TBX15: variants seen among roughly 807,000 people sequenced by gnomAD.
The protein encoded by TBX15 is T-box transcription factor 15, also known as T-box transcription factor TBX15.
A neutral mutation model predicts 53.9 loss-of-function variants in TBX15; 18 were observed. The observed-to-expected ratio is 0.33, with a 90% confidence interval of 0.23 to 0.49. TBX15 has a LOEUF of 0.49. TBX15 is among the 20% of genes least tolerant of loss of function. The pLI is 0.98. For synonymous variants in TBX15, 295 were observed against 278.0 expected (o/e 1.06, Z -0.61); for missense variants, 692 against 749.5 (o/e 0.92, Z 0.90).
chr1:118,921,526 A>G (rs1655424223), intron 5 of TBX15, among the ~76,000 whole-genome samples: 1 of 152,212 alleles, frequency 6.6e-6, no homozygotes, highest in African/African-American at 2.4e-5. Flanking sequence ...TTCTAAGACA[A>G]GAAACTGAAG....
chr1:118,964,530 T>C (rs1214383769), intron 1 of TBX15, among the ~76,000 whole-genome samples: 1 of 152,262 alleles, frequency 6.6e-6, no homozygotes, highest in Non-Finnish European at 1.5e-5. Context: ...ACTATCCTCC[T>C]TGAAAACTTC....
chr1:118,985,257 G>C (rs928832969), intron 1 of TBX15, among the ~76,000 whole-genome samples: 2 of 152,182 alleles, frequency 1.3e-5, no homozygotes, highest in African/African-American at 4.8e-5. Flanking sequence ...CACCCGGGAA[G>C]AGACGCTGCC....
At chr1:118,923,722 T>C in intron 4 of TBX15, 119 bp from the exon 5 acceptor site, 1 of 1,227,220 alleles carries the variant, frequency 8.1e-7, no homozygotes, top group South Asian at 1.3e-5. Flanking sequence ...GGAGGTGAGA[T>C]GTACAGAAAA....
chr1:118,982,705 T>C (rs1657686475), intron 1 of TBX15, among the ~76,000 whole-genome samples: 1 of 152,264 alleles, frequency 6.6e-6, no homozygotes, highest in South Asian at 2.1e-4. Context: ...TAAAAGATTT[T>C]TAACCATTTG....
chr1:118,963,565 C>T (rs931136603), intron 1 of TBX15, among the ~76,000 whole-genome samples: 2 of 152,230 alleles, frequency 1.3e-5, no homozygotes, highest in South Asian at 2.1e-4. Context: ...CAGTGTAACT[C>T]TCTTCCCTAG....
intron 1 of TBX15, among the ~76,000 whole-genome samples, chr1:118,958,394 T>C (rs779937953): frequency 4.6e-5 from 7 of 152,246 alleles, no homozygotes; most frequent in Non-Finnish European, 8.8e-5. Context: ...TCCCAGTCTA[T>C]GGTATTTTGT....
At chr1:118,914,703 C>A (rs1051670619) in intron 5 of TBX15, among the ~76,000 whole-genome samples, 1 of 152,142 alleles carries the variant, frequency 6.6e-6, no homozygotes, top group African/African-American at 2.4e-5. Context: ...TGAAGGCATG[C>A]CTTTCCTACC....
intron 1 of TBX15, among the ~76,000 whole-genome samples, chr1:118,980,104 G>A (rs1657597844): frequency 6.6e-6 from 1 of 152,240 alleles, no homozygotes; most frequent in Admixed American, 6.5e-5. Context: ...AGTTCCTTCT[G>A]CGGCGAAACG....
At chr1:118,922,970 CTA>C (rs1394347052) in intron 5 of TBX15, among the ~76,000 whole-genome samples, 1 of 151,896 alleles carries the variant, frequency 6.6e-6, no homozygotes, top group African/African-American at 2.4e-5. Flanking sequence ...TTAGGAAAGT[CTA>C]TAATCAGTTA....
At chr1:118,902,751 T>C (rs920269714) in intron 6 of TBX15, among the ~76,000 whole-genome samples, 9 of 152,042 alleles carry the variant, frequency 5.9e-5, no homozygotes, top group Non-Finnish European at 1.3e-4. Flanking sequence ...CAGGGGTGAG[T>C]CATTTCACCT....
At chr1:118,989,014 G>A (rs1272859752), upstream of TBX15, among the ~76,000 whole-genome samples, 4 of 152,194 alleles carry the variant, frequency 2.6e-5, no homozygotes, top group Admixed American at 2.0e-4. Context: ...CGGGGTTTAG[G>A]GCGAGCTCCT....
chr1:118,894,164 G>A (rs1163969788), intron 7 of TBX15, among the ~76,000 whole-genome samples: 1 of 152,180 alleles, frequency 6.6e-6, no homozygotes, highest in East Asian at 1.9e-4. Flanking sequence ...TTGAGAAAGG[G>A]AAGTAAGATG....
intron 6 of TBX15, 58 bp from the exon 7 acceptor site, chr1:118,899,183 T>C: frequency 6.8e-7 from 1 of 1,476,868 alleles, no homozygotes; most frequent in South Asian, 1.2e-5. Context: ...ATGCATTGAC[T>C]TTTCAGAGAT....
At chr1:118,889,113 G>A (rs1654048575) in intron 7 of TBX15, among the ~76,000 whole-genome samples, 2 of 152,162 alleles carry the variant, frequency 1.3e-5, no homozygotes, top group Admixed American at 6.5e-5. Flanking sequence ...GGAGGCAGGG[G>A]CAAGGCTGTC....
intron 3 of TBX15, 99 bp downstream of exon 3, chr1:118,926,411 T>C (rs1571180040): frequency 3.8e-6 from 4 of 1,048,272 alleles, no homozygotes; most frequent in Non-Finnish European, 5.8e-6. Flanking sequence ...TTGTTCTCTG[T>C]ACAGCATGCA....
intron 1 of TBX15, among the ~76,000 whole-genome samples, chr1:118,938,528 G>A (rs766108471): frequency 3.5e-4 from 54 of 152,298 alleles, no homozygotes; most frequent in Non-Finnish European, 6.6e-4. Flanking sequence ...AAGGCTCAAT[G>A]CCATTAAAGT....
chr1:118,890,034 C>CT (rs1654083668), intron 7 of TBX15, among the ~76,000 whole-genome samples: 1 of 152,178 alleles, frequency 6.6e-6, no homozygotes, highest in African/African-American at 2.4e-5. Flanking sequence ...GTGTTGGCCT[C>CT]TGTCTGTGGA....
At chr1:118,914,208 CT>C (rs768511154) in intron 5 of TBX15, 29 bp from the exon 6 acceptor site, 1 of 1,597,696 alleles carries the variant, frequency 6.3e-7, no homozygotes, top group Admixed American at 1.7e-5. Flanking sequence ...GTATGAATTG[CT>C]TTTATATTAA....
chr1:118,885,048 C>T lies in TBX15; in HGVS notation c.1493G>A (p.Gly498Asp). 6.2e-7 allele frequency: 1 copy of T among 1,613,916 alleles called. No individual in the cohort carries two copies. Among genetic ancestry groups the T allele is most frequent in the African/African-American group, 1.3e-5 (1 of 75,042 alleles). The change falls in exon 8 of 8, where the codon GGC becomes GAC. Residue 498 changes from glycine (G) to aspartate (D), a missense_variant. Physicochemically the swap from Gly to Asp is moderately conservative, Grantham distance 94. This residue lies in a region of TBX15 where 375 missense variants were observed against 371.6 expected (regional missense o/e 1.01). Coordinates refer to ENST00000369429, the MANE Select transcript of TBX15 (RefSeq NM_001330677.2). ...GTAGGAGCTCTGCTGCATGTGGCTG[C>T]CCCCGAACATGTGTGGTGATGAGGA... is the stretch of plus-strand genomic sequence containing the variant. ...SSSSSPHMFG[G>D]SHMQQSSYNA...
Sources: gnomAD v4.1 joint callset for allele counts (sites outside exome capture counted in the v4.1 genomes callset) on GRCh38, gnomAD v4.1.1 for gene constraint, gnomAD v4.1.1 regional missense constraint, MANE v1.5 for transcripts, NCBI Gene and HGNC (gene_info 2026-07-23, HGNC 2026-07-21) for gene names.